PTPRD: variants seen among roughly 807,000 people sequenced by gnomAD.
PTPRD encodes the protein protein tyrosine phosphatase receptor type D.
A neutral mutation model predicts 214.5 loss-of-function variants in PTPRD; 34 were observed. The ratio of observed to expected loss-of-function variants is 0.16; its 90% CI spans 0.12 to 0.21. The LOEUF is 0.21. Among genes scored for constraint, PTPRD ranks in the 10% least tolerant of loss-of-function variants. The pLI, the probability that PTPRD is intolerant of heterozygous loss-of-function variation, is 1.00. For synonymous variants in PTPRD, 1,128 were observed against 845.7 expected, an observed-to-expected ratio of 1.33 and a Z score of -5.79; for missense variants, 2,545 against 2,398.7, an observed-to-expected ratio of 1.06 and a Z score of -1.27.
intron 3 of PTPRD, among the ~76,000 whole-genome samples, chr9:10,311,597 C>G (rs2096268221): frequency 6.6e-6 from 1 of 152,008 alleles, no homozygotes; most frequent in Admixed American, 6.6e-5. Context: ...TGTGTACCTA[C>G]TATGTGTTGG....
intron 14 of PTPRD, among the ~76,000 whole-genome samples, chr9:8,563,039 T>C (rs1226339342): frequency 6.6e-6 from 1 of 152,184 alleles, no homozygotes; most frequent in Admixed American, 6.5e-5. Flanking sequence ...TGTAATGGAA[T>C]ACCATTTGGC....
At chr9:9,236,316 C>T (rs981753818) in intron 9 of PTPRD, among the ~76,000 whole-genome samples, 5 of 152,046 alleles carry the variant, frequency 3.3e-5, no homozygotes, top group African/African-American at 1.2e-4. Context: ...TCATCCCAAA[C>T]AACTATATTT....
chr9:8,709,315 C>T (rs1473745466), intron 12 of PTPRD, among the ~76,000 whole-genome samples: 1 of 151,700 alleles, frequency 6.6e-6, no homozygotes, highest in Non-Finnish European at 1.5e-5. Context: ...GAGATCGAGA[C>T]CATCCTGGCT....
chr9:10,591,048 A>G (rs963318434), intron 2 of PTPRD, among the ~76,000 whole-genome samples: 8 of 151,834 alleles, frequency 5.3e-5, no homozygotes, highest in African/African-American at 9.7e-5. Context: ...AGGACTACTT[A>G]CAATCCCAAG....
rs1217467638 is a variant in PTPRD, at chr9:8,389,262, G to A, written c.4356C>T (p.Val1452=). The change falls in exon 37 of 46, where the codon GTC becomes GTT. Residue 1452 remains valine, a synonymous_variant. Transcript: ENST00000381196. ...MIWEQRSATV[V]MMTKLEERSR... ...ATCTTTCTTCTAGTTTTGTCATCAT[G>A]ACAACTGTGGCACTCCGTTGTTCCC... 2.0e-5 allele frequency: 33 copies of A among 1,610,894 alleles called. No individual in the cohort carries two copies. The highest frequency in any genetic ancestry group is 2.8e-5 in the Non-Finnish European group (33 of 1,178,664).
intron 3 of PTPRD, among the ~76,000 whole-genome samples, chr9:10,099,489 C>T (rs572196543): frequency 6.0e-4 from 91 of 151,722 alleles, no homozygotes; most frequent in African/African-American, 1.8e-3. Flanking sequence ...ATAGTAAATA[C>T]AATTTAAGTG....
intron 4 of PTPRD, among the ~76,000 whole-genome samples, chr9:10,007,458 G>A (rs911853872): frequency 2.0e-5 from 3 of 151,924 alleles, no homozygotes; most frequent in African/African-American, 7.2e-5. Context: ...ACGAAGAGGC[G>A]TTCTGAATTA....
At chr9:8,484,030 C>A in intron 30 of PTPRD, 89 bp downstream of exon 30, 1 of 1,489,978 alleles carries the variant, frequency 6.7e-7, no homozygotes, top group South Asian at 1.3e-5. Flanking sequence ...TAAGCAGTAT[C>A]TTCTTTTACG....
intron 14 of PTPRD, among the ~76,000 whole-genome samples, chr9:8,541,032 A>T (rs2140198260): frequency 6.6e-6 from 1 of 152,312 alleles, no homozygotes; most frequent in South Asian, 2.1e-4. Flanking sequence ...AAAACATCAA[A>T]CATCACATAT....
chr9:9,519,106 T>C (rs1356469725), intron 8 of PTPRD, among the ~76,000 whole-genome samples: 1 of 151,976 alleles, frequency 6.6e-6, no homozygotes, highest in Non-Finnish European at 1.5e-5. Flanking sequence ...ATATAACCCA[T>C]AACTTAAAGA....
At position 9,778,162 on chromosome 9, in the gene PTPRD, G is replaced by A. The variant is rs559521487; in HGVS notation, c.-367-11311C>T. Among the ~76,000 whole-genome samples, 38 of 152,314 alleles carry A rather than the reference G, an allele frequency of 2.5e-4. No individual in the cohort carries two copies. The South Asian group carries it at 7.7e-3, about 31-fold the overall frequency. On this transcript the variant is annotated intron_variant, in intron 5 of 45. Transcript: ENST00000381196. ...AAAAAGCTGTGGTGGATGGAGAGGTGACATTGAAGGCAAGGCTGAAGAGGA... is the reference window on the plus strand; with the variant it reads ...AAAAAGCTGTGGTGGATGGAGAGGTAACATTGAAGGCAAGGCTGAAGAGGA...
chr9:8,989,966 T>C (rs1396663834), intron 11 of PTPRD, among the ~76,000 whole-genome samples: 1 of 152,188 alleles, frequency 6.6e-6, no homozygotes, highest in Non-Finnish European at 1.5e-5. Flanking sequence ...TTATAAGGGC[T>C]ATAAAGAAAC....
chr9:9,834,861 T>A (rs550741174), intron 5 of PTPRD, among the ~76,000 whole-genome samples: 53 of 152,144 alleles, frequency 3.5e-4, no homozygotes, highest in African/African-American at 1.2e-3. Flanking sequence ...GAGTTCCAGA[T>A]GTGGTTTCTT....
At chr9:8,526,945 T>C (rs1193489981) in intron 16 of PTPRD, among the ~76,000 whole-genome samples, 1 of 149,598 alleles carries the variant, frequency 6.7e-6, no homozygotes, top group Non-Finnish European at 1.5e-5. Context: ...ATATCTTATA[T>C]GCCTCATATC....
chr9:8,851,447 G>A (rs992040098), intron 11 of PTPRD, among the ~76,000 whole-genome samples: 21 of 152,112 alleles, frequency 1.4e-4, no homozygotes, highest in Admixed American at 1.4e-3. Flanking sequence ...TAATAAATGT[G>A]CTAAGCAGAA....
intron 21 of PTPRD, among the ~76,000 whole-genome samples, chr9:8,510,125 TA>T (rs2097647560): frequency 6.6e-6 from 1 of 151,562 alleles, no homozygotes. Flanking sequence ...CTCTACAAAA[TA>T]ATAAAACTTA....
intron 27 of PTPRD, among the ~76,000 whole-genome samples, chr9:8,487,004 C>A (rs374100212): frequency 5.6e-4 from 84 of 150,810 alleles, no homozygotes; most frequent in Non-Finnish European, 9.6e-4. Context: ...TAAAAAAAAA[C>A]CAAACTACAA....
chr9:10,129,686 CTGG>C (rs1323258903), intron 3 of PTPRD, among the ~76,000 whole-genome samples: 4 of 152,090 alleles, frequency 2.6e-5, no homozygotes, highest in African/African-American at 9.6e-5. Flanking sequence ...AGTATGCAAG[CTGG>C]TACATTATAA....
At chr9:10,121,177 T>G (rs2098772088) in intron 3 of PTPRD, among the ~76,000 whole-genome samples, 1 of 152,184 alleles carries the variant, frequency 6.6e-6, no homozygotes, top group South Asian at 2.1e-4. Context: ...AGAGATAATT[T>G]AATCCAATCA....
Sources: allele counts gnomAD v4.1 joint callset (sites outside exome capture counted in the v4.1 genomes callset), GRCh38; gene constraint gnomAD v4.1.1; transcripts MANE v1.5; gene names NCBI Gene and HGNC (gene_info 2026-07-23, HGNC 2026-07-21).